NFAT5: variants seen among roughly 807,000 people sequenced by gnomAD.
The protein encoded by NFAT5 is nuclear factor of activated T-cells 5.
Under a neutral mutation model 166.5 loss-of-function variants are expected in NFAT5, and 31 were observed. That is an observed-to-expected ratio of 0.19 (90% CI 0.14 to 0.25). NFAT5 has a LOEUF of 0.25. NFAT5 is among the 10% of genes least tolerant of loss of function. The pLI, the probability that NFAT5 is intolerant of heterozygous loss-of-function variation, is 1.00. For missense variants in NFAT5, 1,449 were observed against 1,821.8 expected (o/e 0.80, Z 3.72); for synonymous variants, 612 against 639.7 (o/e 0.96, Z 0.65).
At chr16:69,608,895 G>A (rs1182762123) in intron 2 of NFAT5, among the ~76,000 whole-genome samples, 2 of 151,728 alleles carry the variant, frequency 1.3e-5, no homozygotes, top group South Asian at 2.1e-4. Context: ...GCCAAGGCGG[G>A]CGGATCACGA....
At chr16:69,680,717 A>G (rs1367194358) in intron 10 of NFAT5, among the ~76,000 whole-genome samples, 3 of 152,068 alleles carry the variant, frequency 2.0e-5, no homozygotes, top group African/African-American at 7.2e-5. Flanking sequence ...GATACAGCTA[A>G]TTAGTCTTCC....
Position 69,626,404 on chromosome 16 carries a change from ATCTG to A in NFAT5, c.133_136del (p.Val45MetfsTer18). On this transcript the variant is annotated frameshift_variant and splice_region_variant, in exon 3 of 15. Coordinates refer to ENST00000349945, the MANE Select transcript of NFAT5 (RefSeq NM_138713.4). LOFTEE classifies it high-confidence loss of function. ...CTCCTCTCTTTCCCCTCCCCACAGA[ATCTG>A]TCTATGATCTTCTCCCAAAGGAGTT... The A allele has an allele frequency of 5.8e-6, 9 of 1,559,058 alleles. No homozygotes were observed. Among genetic ancestry groups the A allele is most frequent in the Non-Finnish European group, 7.8e-6 (9 of 1,158,312 alleles).
intron 2 of NFAT5, among the ~76,000 whole-genome samples, chr16:69,615,622 A>T (rs1362833467): frequency 6.6e-6 from 1 of 152,168 alleles, no homozygotes; most frequent in Admixed American, 6.5e-5. Context: ...ATATTGACTG[A>T]TGAGTTCACA....
chr16:69,691,757 G>A lies in NFAT5; in HGVS notation c.1932G>A (p.Lys644=). 1 of 1,605,968 alleles carries A rather than the reference G, an allele frequency of 6.2e-7. No homozygotes were observed. The highest frequency in any genetic ancestry group is 8.5e-7 in the Non-Finnish European group (1 of 1,177,016). The change falls in exon 13 of 15, where the codon AAG becomes AAA. Residue 644 remains lysine (K), a synonymous_variant. Coordinates refer to ENST00000349945, the MANE Select transcript of NFAT5 (RefSeq NM_138713.4). Reference sequence around the variant, plus strand: ...GGATTTTTATTTTTTAGACTACAAAGTCTGTTGGATCAACTCAGCAAACAT... The same window carrying A: ...GGATTTTTATTTTTTAGACTACAAAATCTGTTGGATCAACTCAGCAAACAT... ...KRSSTIFKTT[K]SVGSTQQTLE...
At chr16:69,695,891 T>G (rs12595869) in intron 14 of NFAT5, among the ~76,000 whole-genome samples, 33,051 of 152,074 alleles carry the variant, frequency 0.22, 3,919 homozygotes, top group East Asian at 0.45. Flanking sequence ...AAAAAGATCC[T>G]TCCAGCTCCC....
intron 3 of NFAT5, among the ~76,000 whole-genome samples, chr16:69,633,147 T>A (rs2034792688): frequency 6.6e-6 from 1 of 152,228 alleles, no homozygotes; most frequent in Non-Finnish European, 1.5e-5. Flanking sequence ...TATTATTGCT[T>A]TGTTCCTTTA....
intron 2 of NFAT5, among the ~76,000 whole-genome samples, chr16:69,623,215 G>A (rs1423578676): frequency 6.6e-6 from 1 of 152,154 alleles, no homozygotes; most frequent in Non-Finnish European, 1.5e-5. Context: ...AACCTGGAAT[G>A]AGAAAGATAA....
intron 1 of NFAT5, 64 bp from the exon 2 acceptor site, chr16:69,568,431 C>T (rs1176671939): frequency 3.3e-6 from 4 of 1,200,928 alleles, no homozygotes; most frequent in African/African-American, 1.5e-5. Flanking sequence ...GAGATGTATG[C>T]TATCCTTGGC....
intron 2 of NFAT5, among the ~76,000 whole-genome samples, chr16:69,572,989 C>T (rs779079541): frequency 1.1e-4 from 16 of 152,098 alleles, no homozygotes; most frequent in Non-Finnish European, 2.1e-4. Context: ...ACTACAGGCG[C>T]GTGCCACCAC....
At chr16:69,627,198 A>G (rs1028304169) in intron 3 of NFAT5, among the ~76,000 whole-genome samples, 7 of 151,178 alleles carry the variant, frequency 4.6e-5, no homozygotes, top group African/African-American at 1.5e-4. Flanking sequence ...AATAAAAGAT[A>G]GACAAGCTAA....
chr16:69,652,435 G>C (rs991430920), intron 4 of NFAT5, among the ~76,000 whole-genome samples: 2 of 144,148 alleles, frequency 1.4e-5, no homozygotes, highest in African/African-American at 5.2e-5. Context: ...CTGGATGACA[G>C]AGTAAAACTC....
intron 9 of NFAT5, chr16:69,676,792 T>C (rs1008958136): frequency 6.4e-6 from 1 of 155,040 alleles, no homozygotes; most frequent in Admixed American, 6.5e-5. Context: ...GACATTTGTA[T>C]CTGACCTGAT....
Position 69,653,292 on chromosome 16 carries a change from A to G in NFAT5, c.869A>G (p.Gln290Arg). The G allele has an allele frequency of 6.2e-7, 1 of 1,612,244 alleles. No individual in the cohort carries two copies. Among genetic ancestry groups the G allele is most frequent in the Non-Finnish European group, 8.5e-7 (1 of 1,179,506 alleles). ...GVKKSPMLCG[Q>R]YPVKSEGKEL... The stretch of plus-strand genomic sequence containing the variant: ...AAGAAGAGCCCTATGTTGTGTGGAC[A>G]ATATCCTGTTAAAAGTGAGGGAAAG... Residue 290 changes from glutamine (Q) to arginine (R), a missense_variant, in exon 5 of 15, where the codon CAA becomes CGA. Coordinates refer to ENST00000349945, the MANE Select transcript of NFAT5 (RefSeq NM_138713.4).
Position 69,606,441 on chromosome 16 carries a change from A to T in NFAT5, c.128-19962A>T, listed in dbSNP as rs142212799. Among the ~76,000 whole-genome samples the T allele has an allele frequency of 7.9e-4, 120 of 151,860 alleles. 1 individual carries two copies. Among genetic ancestry groups the T allele is most frequent in the African/African-American group, 2.7e-3 (111 of 41,528 alleles). ...GAGAAGCCAAAGGTCTGAGATTTTT[A>T]TGTAAAATCTGATTTTTAAATGTTG... On this transcript the variant is annotated intron_variant, in intron 2 of 14. Coordinates refer to ENST00000349945, the MANE Select transcript of NFAT5 (RefSeq NM_138713.4).
At chr16:69,659,136 T>A (rs9936803) in intron 6 of NFAT5, among the ~76,000 whole-genome samples, 1,734 of 151,726 alleles carry the variant, frequency 0.011, 19 homozygotes, top group African/African-American at 0.023. Context: ...TTATTTTTTT[T>A]TTTTTTTTAA....
chr16:69,667,870 A>G (rs955903408), intron 7 of NFAT5, among the ~76,000 whole-genome samples: 5 of 152,334 alleles, frequency 3.3e-5, no homozygotes, highest in African/African-American at 1.2e-4. Context: ...TTAAAAGGGT[A>G]TATCATTGTC....
rs1476449756 is a variant in NFAT5 at position 69,574,090 on chromosome 16, C to T, written c.127+5542C>T. ...TTCTCCATGTTGGTCAGGTTGGTCT[C>T]GAACTCGTGACCTCAGGTGATCCAC... On this transcript the variant is annotated intron_variant, in intron 2 of 14. Transcript: ENST00000349945. 4.6e-5 allele frequency among the ~76,000 whole-genome samples: 7 copies of T among 151,922 alleles called. No homozygotes were observed. The South Asian group carries it at 8.3e-4, about 18-fold the overall frequency.
At chr16:69,629,265 A>G (rs2034600128) in intron 3 of NFAT5, among the ~76,000 whole-genome samples, 1 of 152,180 alleles carries the variant, frequency 6.6e-6, no homozygotes, top group Admixed American at 6.5e-5. Flanking sequence ...AAATTTAAAG[A>G]CTGGGCATAT....
rs112101985 is a variant in NFAT5 at position 69,679,249 on chromosome 16, C to T, written c.1690+1914C>T. Among the ~76,000 whole-genome samples, 749 of 151,968 alleles carry T rather than the reference C, an allele frequency of 4.9e-3. 5 individuals carry two copies. Among genetic ancestry groups the T allele is most frequent in the Non-Finnish European group, 6.9e-3 (472 of 67,958 alleles). On this transcript the variant is annotated intron_variant, in intron 10 of 14. Transcript: ENST00000349945. ...CCCAGCCTCATATTTTATTCTTAAT[C>T]GTATCTGAATTTTGCAACATTATTT...
Sources: gnomAD v4.1 joint callset for allele counts (sites outside exome capture counted in the v4.1 genomes callset) on GRCh38, gnomAD v4.1.1 for gene constraint, MANE v1.5 for transcripts, NCBI Gene and HGNC (gene_info 2026-07-23, HGNC 2026-07-21) for gene names.